Variants in EGFR observed in about 807,000 individuals in gnomAD.
EGFR encodes the protein epidermal growth factor receptor.
A neutral mutation model predicts 143.0 loss-of-function variants in EGFR; 58 were observed. The observed-to-expected ratio is 0.41, with a 90% CI of 0.33 to 0.50. EGFR has a LOEUF of 0.50. EGFR is among the 20% of genes least tolerant of loss of function. The probability of loss-of-function intolerance (pLI) is 0.39; values close to 1 mark genes in which losing one functional copy is unlikely to be tolerated. For missense variants in EGFR, 1,307 were observed against 1,579.0 expected, an observed-to-expected ratio of 0.83 and a Z score of 2.92; for synonymous variants, 613 against 594.4, an observed-to-expected ratio of 1.03 and a Z score of -0.45.
In EGFR at chr7:55,205,965, AT is replaced by A. The variant is rs760485005; in HGVS notation, c.*350del. On this transcript the variant is annotated 3_prime_UTR_variant, in exon 28 of 28. Transcript: ENST00000275493. Reference sequence around the variant, plus strand: ...GATCTTGGAGTTTTTCATTGTCGCTATTGATTTTTACTTCAATGGGCTCTTC... The same window carrying A: ...GATCTTGGAGTTTTTCATTGTCGCTATGATTTTTACTTCAATGGGCTCTTC... 1 of 412,270 alleles carries A rather than the reference AT, an allele frequency of 2.4e-6. No homozygotes were observed. Among genetic ancestry groups the A allele is most frequent in the Non-Finnish European group, 4.5e-6 (1 of 224,696 alleles). The allele number at this position is 412,270 out of a possible 1,614,324, so 25.5% of individuals were successfully genotyped here. A position where few individuals can be genotyped will look rare whatever the true frequency, so the allele number is the denominator to read the frequency against.
chr7:55,137,340 C>T lies in EGFR; in HGVS notation c.89-4946C>T, dbSNP rs541744304. Among the ~76,000 whole-genome samples the T allele has an allele frequency of 5.9e-5, 9 of 152,228 alleles. No individual in the cohort carries two copies. The South Asian group carries it at 1.9e-3, about 32-fold the overall frequency. On this transcript the variant is annotated intron_variant, in intron 1 of 27. Coordinates refer to ENST00000275493, the MANE Select transcript of EGFR (RefSeq NM_005228.5). ...TTAAAACAATTATAGTTTACTTAGA[C>T]GATTCTAAGTGTCTAAGTGGATTTG...
chr7:55,174,049 G>A lies in EGFR; in HGVS notation c.2184+6G>A, dbSNP rs1266905684. Reference sequence around the variant, plus strand: ...CGTTCGGCACGGTGTATAAGGTAAGGTCCCTGGCACAGGCCTCTGGGCTGG... The same window carrying A: ...CGTTCGGCACGGTGTATAAGGTAAGATCCCTGGCACAGGCCTCTGGGCTGG... On this transcript the variant is annotated splice_donor_region_variant and intron_variant, in intron 18 of 27. Coordinates refer to ENST00000275493, the MANE Select transcript of EGFR (RefSeq NM_005228.5). 3 of 1,614,088 alleles carry A rather than the reference G, an allele frequency of 1.9e-6. No homozygotes were observed. The highest frequency in any genetic ancestry group is 1.3e-5 in the African/African-American group (1 of 74,952).
chr7:55,033,798 C>A (rs953638866), intron 1 of EGFR, among the ~76,000 whole-genome samples: 1 of 152,210 alleles, frequency 6.6e-6, no homozygotes, highest in Non-Finnish European at 1.5e-5. Context: ...ATCCCACCAA[C>A]CCTCACTTTG....
At chr7:55,173,165 C>T (rs2128952806) in intron 17 of EGFR, 41 bp downstream of exon 17, 1 of 1,601,916 alleles carries the variant, frequency 6.2e-7, no homozygotes, top group Non-Finnish European at 8.5e-7. Context: ...CCCTCGCACC[C>T]CGACAGGAAC....
At chr7:55,049,932 A>G (rs1788391340) in intron 1 of EGFR, among the ~76,000 whole-genome samples, 2 of 152,018 alleles carry the variant, frequency 1.3e-5, no homozygotes, top group Non-Finnish European at 1.5e-5. Context: ...CAAAACACAC[A>G]TGGCATCTGG....
rs142581942 is a variant in EGFR at position 55,045,499 on chromosome 7, T to A, written c.88+26134T>A. ...GGGTTAGACTTCATGACAGCTAAGG[T>A]TCCTTCCGTCTCTAACAAAAGTGGC... On this transcript the variant is annotated intron_variant, in intron 1 of 27. Coordinates refer to ENST00000275493, the MANE Select transcript of EGFR (RefSeq NM_005228.5). Among the ~76,000 whole-genome samples, 6 of 152,212 alleles carry A rather than the reference T, an allele frequency of 3.9e-5. No individual in the cohort carries two copies. In the East Asian group the frequency reaches 1.2e-3, roughly 29 times the overall value.
Position 55,155,816 on chromosome 7 carries a change from GCTCTCT to G in EGFR, c.890-13_890-8del. ...GCCACCGTCATCACCTTCCTTTCAT[GCTCTCT>G]TCCCCAGGTAATTATGTGGTGACAG... On this transcript the variant is annotated splice_polypyrimidine_tract_variant and splice_region_variant and intron_variant, in intron 7 of 27. Coordinates refer to ENST00000275493, the MANE Select transcript of EGFR (RefSeq NM_005228.5). The G allele has an allele frequency of 6.2e-7, 1 of 1,611,670 alleles. No homozygotes were observed.
intron 22 of EGFR, among the ~76,000 whole-genome samples, chr7:55,198,019 G>T (rs1156686386): frequency 2.0e-5 from 3 of 152,158 alleles, no homozygotes; most frequent in Admixed American, 1.3e-4. Context: ...CTCATAGAAT[G>T]AGTTAAGGAA....
Position 55,143,365 on chromosome 7 carries a change from T to C in EGFR, c.301T>C (p.Leu101=), listed in dbSNP as rs2128927300. The C allele has an allele frequency of 1.2e-6, 2 of 1,614,160 alleles. No homozygotes were observed. The highest frequency in any genetic ancestry group is 1.1e-5 in the South Asian group (1 of 91,080). ...IALNTVERIP[L]ENLQIIRGNM... ...CCTCAACACAGTGGAGCGAATTCCT[T>C]TGGAAAACCTGCAGATCATCAGAGG... Residue 101 remains leucine (L), a synonymous_variant, in exon 3 of 28, where the codon TTG becomes CTG. Transcript: ENST00000275493.
At chr7:55,020,377 A>AG (rs1003187434) in intron 1 of EGFR, among the ~76,000 whole-genome samples, 18 of 152,116 alleles carry the variant, frequency 1.2e-4, no homozygotes, top group Non-Finnish European at 1.9e-4. Context: ...CGGCCACTGC[A>AG]GGGGGGGATC....
intron 1 of EGFR, among the ~76,000 whole-genome samples, chr7:55,124,037 T>A (rs143428683): frequency 6.6e-6 from 1 of 152,240 alleles, no homozygotes; most frequent in African/African-American, 2.4e-5. Flanking sequence ...TGTATGTGTG[T>A]GTATTAATGT....
Position 55,163,882 on chromosome 7 carries a change from G to C in EGFR, c.1722+59G>C, listed in dbSNP as rs71547919. The C allele has an allele frequency of 2.4e-5, 38 of 1,573,340 alleles. No homozygotes were observed. In the African/African-American group the frequency reaches 4.8e-4, roughly 20 times the overall value. On this transcript the variant is annotated intron_variant, in intron 14 of 27. Coordinates refer to ENST00000275493, the MANE Select transcript of EGFR (RefSeq NM_005228.5). ...CATGGGAAGGGCCTTCACAGAAGCC[G>C]AACAGTGATGATGGCCCAGGGCATC...
rs965133565 is a variant in EGFR, at chr7:55,205,967, T to C, written c.*350T>C. 5 of 412,378 alleles carry C rather than the reference T, an allele frequency of 1.2e-5. No individual in the cohort carries two copies. The highest frequency in any genetic ancestry group is 2.0e-5 in the African/African-American group (1 of 49,796). 25.5% of individuals were successfully genotyped at this position (412,378 alleles called of 1,614,324 possible). On this transcript the variant is annotated 3_prime_UTR_variant, in exon 28 of 28. Transcript: ENST00000275493. ...TCTTGGAGTTTTTCATTGTCGCTATTGATTTTTACTTCAATGGGCTCTTCC... is the reference window on the plus strand; with the variant it reads ...TCTTGGAGTTTTTCATTGTCGCTATCGATTTTTACTTCAATGGGCTCTTCC...
chr7:55,188,335 C>CTG (rs1787234579), intron 20 of EGFR, among the ~76,000 whole-genome samples: 1 of 152,074 alleles, frequency 6.6e-6, no homozygotes, highest in East Asian at 1.9e-4. Flanking sequence ...TGGGGTGCGG[C>CTG]AGCCCCTGGG....
intron 1 of EGFR, among the ~76,000 whole-genome samples, chr7:55,107,593 G>A (rs964072133): frequency 1.3e-5 from 2 of 152,326 alleles, no homozygotes; most frequent in Non-Finnish European, 1.5e-5. Context: ...CCAGCATCTT[G>A]CATGTCCCAA....
At chr7:55,153,990 C>A (rs773743624) in intron 6 of EGFR, 21 bp from the exon 7 acceptor site, 2 of 1,614,152 alleles carry the variant, frequency 1.2e-6, no homozygotes, top group Non-Finnish European at 1.7e-6. Context: ...ACTTGCCCAG[C>A]GTGTCCTCTC....
In EGFR at chr7:55,156,523, ATCTC is replaced by A. The variant is rs748662290; in HGVS notation, c.1007-8_1007-5del. 4 of 1,614,166 alleles carry A rather than the reference ATCTC, an allele frequency of 2.5e-6. No individual in the cohort carries two copies. The highest frequency in any genetic ancestry group is 3.4e-6 in the Non-Finnish European group (4 of 1,180,018). ...TGTGAACGGAATACACGTCTCTCTTATCTCTGCAGTGTGTAACGGAATAGGTATT... is the reference window on the plus strand; with the variant it reads ...TGTGAACGGAATACACGTCTCTCTTATGCAGTGTGTAACGGAATAGGTATT... On this transcript the variant is annotated splice_polypyrimidine_tract_variant and splice_region_variant and intron_variant, in intron 8 of 27. Coordinates refer to ENST00000275493, the MANE Select transcript of EGFR (RefSeq NM_005228.5).
At chr7:55,135,331 C>G (rs1042069135) in intron 1 of EGFR, among the ~76,000 whole-genome samples, 10 of 151,718 alleles carry the variant, frequency 6.6e-5, no homozygotes, top group Non-Finnish European at 1.0e-4. Flanking sequence ...CATGCCGCAG[C>G]TTGGCATGTT....
intron 22 of EGFR, among the ~76,000 whole-genome samples, chr7:55,197,567 G>T (rs933560181): frequency 6.6e-6 from 1 of 152,210 alleles, no homozygotes; most frequent in Non-Finnish European, 1.5e-5. Flanking sequence ...TGTTGAGAGA[G>T]GGAATCCTTG....
Sources: gnomAD v4.1 joint callset for allele counts (sites outside exome capture counted in the v4.1 genomes callset) on GRCh38, gnomAD v4.1.1 for gene constraint, MANE v1.5 for transcripts, NCBI Gene and HGNC (gene_info 2026-07-23, HGNC 2026-07-21) for gene names.